Variants in TASOR2 observed in about 807,000 individuals in gnomAD.
TASOR2 encodes protein TASOR 2.
Under a neutral mutation model 199.5 loss-of-function variants are expected in TASOR2, and 84 were observed. The ratio of observed to expected loss-of-function variants is 0.42; its 90% CI spans 0.35 to 0.50. The LOEUF (loss-of-function observed/expected upper bound fraction) is 0.50, where lower values mean the gene tolerates loss of function less well. Among genes scored for constraint, TASOR2 ranks in the 20% least tolerant of loss-of-function variants. The pLI is 0.02. For missense variants in TASOR2, 2,796 were observed against 2,835.9 expected (o/e 0.99, Z 0.32); for synonymous variants, 1,103 against 1,046.6 (o/e 1.05, Z -1.04).
At position 5,740,232 on chromosome 10, in the gene TASOR2, G is replaced by C; in HGVS notation, c.2062G>C (p.Ala688Pro). Residue 688 changes from alanine (A) to proline (P), a missense_variant, in exon 13 of 21, where the codon GCA (alanine) becomes CCA (proline). This residue lies in a region of TASOR2 where 847 missense variants were observed against 887.4 expected (regional missense o/e 0.95). Coordinates refer to ENST00000328090, the Ensembl canonical transcript of TASOR2. This position sits in a 1 kb window ranked among gnomAD's most constrained non-coding sequence, Gnocchi z 5.3. ...CAGGAATGGGACAAAAAGCCCTGAA[G>C]CAGCAACCCCAGTGGGGAAAGTCAT... 1.9e-6 allele frequency: 3 copies of C among 1,614,206 alleles called. No homozygotes were observed. Among genetic ancestry groups the C allele is most frequent in the Non-Finnish European group, 2.5e-6 (3 of 1,180,040 alleles).
rs1554784518 is a variant in TASOR2 at position 5,762,526 on chromosome 10, T to TTTA, written c.7175-6_7175-5insTTA. 14 of 699,650 alleles carry TTTA rather than the reference T, an allele frequency of 2.0e-5. No homozygotes were observed. The highest frequency in any genetic ancestry group is 8.4e-5 in the South Asian group (3 of 35,806). 43.3% of individuals were successfully genotyped at this position (699,650 alleles called of 1,614,324 possible). A position where few individuals can be genotyped will look rare whatever the true frequency, so the allele number is the denominator to read the frequency against. On this transcript the variant is annotated splice_region_variant and splice_polypyrimidine_tract_variant and intron_variant, in intron 19 of 20. Coordinates refer to ENST00000328090, the Ensembl canonical transcript of TASOR2. ...ACCAAAAGTTGTTTTTTTTTTTTTTTAACAGACAAGCCTACTATCCCCAGA... is the reference window on the plus strand; with the variant it reads ...ACCAAAAGTTGTTTTTTTTTTTTTTTTTAAACAGACAAGCCTACTATCCCCAGA...
exon 13 of TASOR2, chr10:5,739,722 C>T: frequency 6.2e-7 from 1 of 1,614,092 alleles, no homozygotes; most frequent in South Asian, 1.1e-5. Context: ...CACAGCGGCT[C>T]ACAATGATCT....
chr10:5,727,238 T>C, intron 10 of TASOR2, 115 bp downstream of exon 11: 2 of 1,060,984 alleles, frequency 1.9e-6, no homozygotes, highest in South Asian at 2.8e-5. Flanking sequence ...CTTAAATACC[T>C]CTTTTCTTAA....
At position 5,719,489 on chromosome 10, in the gene TASOR2, C is replaced by T. The variant is rs555523899; in HGVS notation, c.-99-1055C>T. Among the ~76,000 whole-genome samples, 4 of 152,136 alleles carry T rather than the reference C, an allele frequency of 2.6e-5. No homozygotes were observed. Among genetic ancestry groups the T allele is most frequent in the South Asian group, 2.1e-4 (1 of 4,822 alleles). On this transcript the variant is annotated intron_variant, in intron 3 of 20. Coordinates refer to ENST00000328090, the Ensembl canonical transcript of TASOR2. The surrounding 1 kb of genome is among the most constrained non-coding windows in gnomAD (Gnocchi z 4.1). ...TCCCAAGTGGCTGGGACTACAGGCGCGCGCTACCACACCCAGCTAATTTTT... is the reference window on the plus strand; with the variant it reads ...TCCCAAGTGGCTGGGACTACAGGCGTGCGCTACCACACCCAGCTAATTTTT...
In TASOR2 at chr10:5,750,062, A is replaced by G. The variant is rs1293627100; in HGVS notation, c.6606+35A>G. On this transcript the variant is annotated intron_variant, in intron 15 of 20. Coordinates refer to ENST00000328090, the Ensembl canonical transcript of TASOR2. This position sits in a 1 kb window ranked among gnomAD's most constrained non-coding sequence, Gnocchi z 5.4. ...CAGCCACGTCTTACGTATTATTTTA[A>G]TTGCTGATTTTAGTTTTAGAAATAA... 2.6e-6 allele frequency: 4 copies of G among 1,530,796 alleles called. No homozygotes were observed. In the South Asian group the frequency reaches 3.9e-5, roughly 15 times the overall value. 94.8% of individuals were successfully genotyped at this position (1,530,796 alleles called of 1,614,324 possible).
intron 1 of TASOR2, among the ~76,000 whole-genome samples, chr10:5,688,866 G>C (rs530657358): frequency 6.6e-6 from 1 of 152,102 alleles, no homozygotes; most frequent in East Asian, 1.9e-4. Flanking sequence ...AGTGGAGCGT[G>C]GTAGCACACA....
At chr10:5,703,955 G>A (rs1434645042) in intron 1 of TASOR2, among the ~76,000 whole-genome samples, 1 of 151,402 alleles carries the variant, frequency 6.6e-6, no homozygotes, top group Non-Finnish European at 1.5e-5. Flanking sequence ...AGGCGTGGTG[G>A]CTCACACCTG....
chr10:5,762,952 T>C (rs1291907634), intron 20 of TASOR2, 77 bp from the exon 22 acceptor site: 1 of 1,418,108 alleles, frequency 7.1e-7, no homozygotes, highest in African/African-American at 1.4e-5. Context: ...GTTTTCCCCA[T>C]TAGAGCATCC....
chr10:5,741,845 A>G (rs1836470385), intron 13 of TASOR2, among the ~76,000 whole-genome samples: 1 of 152,242 alleles, frequency 6.6e-6, no homozygotes, highest in Admixed American at 6.5e-5. Flanking sequence ...GTTCTGCCAT[A>G]CAGGTTTTGT....
chr10:5,707,646 C>T (rs1256441393), intron 1 of TASOR2, among the ~76,000 whole-genome samples: 1 of 145,068 alleles, frequency 6.9e-6, no homozygotes, highest in Non-Finnish European at 1.5e-5. Flanking sequence ...TTAAGATTCT[C>T]ATTCTCTTTC....
At chr10:5,731,528 A>G (rs1393094120) in intron 11 of TASOR2, among the ~76,000 whole-genome samples, 3 of 152,206 alleles carry the variant, frequency 2.0e-5, no homozygotes, top group African/African-American at 4.8e-5. Flanking sequence ...CTCCATCTCA[A>G]TAATAATAAT....
intron 1 of TASOR2, among the ~76,000 whole-genome samples, chr10:5,708,986 G>A (rs1831570525): frequency 6.6e-6 from 1 of 152,126 alleles, no homozygotes; most frequent in African/African-American, 2.4e-5. Flanking sequence ...ACAGGCATGA[G>A]CCACCTCGCC....
At chr10:5,732,238 T>C (rs1834917976) in intron 11 of TASOR2, among the ~76,000 whole-genome samples, 2 of 152,260 alleles carry the variant, frequency 1.3e-5, no homozygotes, top group Admixed American at 1.3e-4. Flanking sequence ...CTATTTTCTC[T>C]AAAAGAGTAG....
chr10:5,723,469 A>G (rs1358501710), intron 6 of TASOR2, among the ~76,000 whole-genome samples: 2 of 152,140 alleles, frequency 1.3e-5, no homozygotes, highest in Non-Finnish European at 2.9e-5. Flanking sequence ...AGAAGATGTG[A>G]ACATATTTGC....
intron 1 of TASOR2, among the ~76,000 whole-genome samples, chr10:5,697,478 T>C (rs1333526027): frequency 6.6e-6 from 1 of 152,100 alleles, no homozygotes; most frequent in Non-Finnish European, 1.5e-5. Flanking sequence ...TGAGGAGCCA[T>C]ATGGTATCAA....
chr10:5,752,189 A>G lies in TASOR2; in HGVS notation c.6606+2162A>G, dbSNP rs1428217882. Among the ~76,000 whole-genome samples the G allele has an allele frequency of 6.6e-6, 1 of 151,950 alleles. No individual in the cohort carries two copies. Among genetic ancestry groups the G allele is most frequent in the Non-Finnish European group, 1.5e-5 (1 of 67,998 alleles). On this transcript the variant is annotated intron_variant, in intron 15 of 20. Transcript: ENST00000328090. This position sits in a 1 kb window ranked among gnomAD's most constrained non-coding sequence, Gnocchi z 4.4. ...GCCCCAACATGTGCAGGTGGGGGGG[A>G]TGTTGCTTTTTTGTCATGATTCTTA...
At chr10:5,715,611 CA>C (rs1832523320) in intron 2 of TASOR2, among the ~76,000 whole-genome samples, 1 of 150,816 alleles carries the variant, frequency 6.6e-6, no homozygotes. Flanking sequence ...AATGGGGATA[CA>C]TTCCAAGAAT....
intron 1 of TASOR2, among the ~76,000 whole-genome samples, chr10:5,692,609 G>T (rs987832439): frequency 9.9e-5 from 15 of 152,058 alleles, no homozygotes; most frequent in African/African-American, 3.6e-4. Flanking sequence ...TACAAGCTCC[G>T]TTGGGTCTAC....
rs192065253 is a variant in TASOR2, at chr10:5,687,557, C to T, written c.-288+2382C>T. The stretch of plus-strand genomic sequence containing the variant: ...TGAGGGGGCCAGGTACGGTGGCCCA[C>T]GCCTGTAATCCCAGCACTTTGGGAG... On this transcript the variant is annotated intron_variant, in intron 1 of 20. Transcript: ENST00000328090. The surrounding 1 kb of genome is among the most constrained non-coding windows in gnomAD (Gnocchi z 4.8). Among the ~76,000 whole-genome samples, 12 of 152,350 alleles carry T rather than the reference C, an allele frequency of 7.9e-5. No individual in the cohort carries two copies. The highest frequency in any genetic ancestry group is 2.6e-4 in the African/African-American group (11 of 41,578).
Sources: allele counts gnomAD v4.1 joint callset (sites outside exome capture counted in the v4.1 genomes callset), GRCh38; gene constraint gnomAD v4.1.1; regional missense constraint gnomAD v4.1.1; non-coding constraint Gnocchi (gnomAD v3.1); transcripts MANE v1.5; gene names NCBI Gene and HGNC (gene_info 2026-07-23, HGNC 2026-07-21).